RUFY4: variants seen among roughly 807,000 people sequenced by gnomAD.
The protein encoded by RUFY4 is RUN and FYVE domain containing 4.
In RUFY4, 73 loss-of-function variants were observed where a neutral mutation model predicts 69.0. That is an observed-to-expected ratio of 1.06 (90% CI 0.88 to 1.29). The LOEUF (loss-of-function observed/expected upper bound fraction) is 1.29, where lower values mean the gene tolerates loss of function less well. Among genes scored for constraint, RUFY4 ranks in the 50% most tolerant of loss-of-function variants. The pLI is 0.00. For synonymous variants in RUFY4, 287 were observed against 271.8 expected, an observed-to-expected ratio of 1.06 and a Z score of -0.55; for missense variants, 770 against 705.6, an observed-to-expected ratio of 1.09 and a Z score of -1.03.
At chr2:218,086,837 C>T (rs1200061581) in intron 9 of RUFY4, among the ~76,000 whole-genome samples, 1 of 151,922 alleles carries the variant, frequency 6.6e-6, no homozygotes, top group Non-Finnish European at 1.5e-5. Flanking sequence ...AGCAGAAGGA[C>T]CAAGGACCCA....
At chr2:218,037,569 G>A (rs1398575058) in intron 2 of RUFY4, among the ~76,000 whole-genome samples, 1 of 152,178 alleles carries the variant, frequency 6.6e-6, no homozygotes, top group Non-Finnish European at 1.5e-5. Context: ...AGCTTGCTTT[G>A]TTGGAACTTT....
intron 2 of RUFY4, among the ~76,000 whole-genome samples, chr2:218,047,041 TA>T (rs201363231): frequency 0.13 from 15,404 of 123,176 alleles, 2,042 homozygotes; most frequent in African/African-American, 0.36. Context: ...TCATTGTGGT[TA>T]AAAAAAAAAA....
In RUFY4 at chr2:218,060,568, G is replaced by T. The variant is rs141788660; in HGVS notation, c.-1071+1887G>T. 1.2e-4 allele frequency: 153 copies of T among 1,309,900 alleles called. No individual in the cohort carries two copies. The East Asian group carries it at 2.6e-3, about 22-fold the overall frequency. The allele number at this position is 1,309,900 out of a possible 1,614,324, so 81.1% of individuals were successfully genotyped here. A position where few individuals can be genotyped will look rare whatever the true frequency, so the allele number is the denominator to read the frequency against. On this transcript the variant is annotated intron_variant and NMD_transcript_variant, in intron 3 of 13. Coordinates refer to the RUFY4 transcript ENST00000457754. ...GTTGATGTCGTTGCGGCGCTCACAGGTCTCATTGGTCATCTGGGTTCCCAT... is the reference window on the plus strand; with the variant it reads ...GTTGATGTCGTTGCGGCGCTCACAGTTCTCATTGGTCATCTGGGTTCCCAT...
At position 218,044,173 on chromosome 2, in the gene RUFY4, GGC is replaced by G. The variant is rs1688771535; in HGVS notation, c.-1158+8780_-1158+8781del. Among the ~76,000 whole-genome samples the G allele has an allele frequency of 2.6e-5, 4 of 152,162 alleles. No individual in the cohort carries two copies. The South Asian group carries it at 8.3e-4, about 32-fold the overall frequency. On this transcript the variant is annotated intron_variant and NMD_transcript_variant, in intron 2 of 13. Coordinates refer to the RUFY4 transcript ENST00000457754. ...ACAGCTAGGCTTGGGCAGCTGCTGT[GGC>G]ACCCAGGGGTGGGGCTCCTGCCTGC...
intron 2 of RUFY4, among the ~76,000 whole-genome samples, chr2:218,055,213 G>A (rs1434567246): frequency 6.6e-6 from 1 of 152,106 alleles, no homozygotes; most frequent in South Asian, 2.1e-4. Flanking sequence ...TGAGAAACAT[G>A]ATGAAACCCC....
chr2:218,039,249 G>C (rs892841104), intron 2 of RUFY4, among the ~76,000 whole-genome samples: 2 of 152,258 alleles, frequency 1.3e-5, no homozygotes, highest in East Asian at 3.9e-4. Context: ...TGACATTTGT[G>C]GTAGGGCAAG....
intron 2 of RUFY4, among the ~76,000 whole-genome samples, chr2:218,053,007 T>C (rs538762724): frequency 2.6e-4 from 39 of 152,260 alleles, no homozygotes; most frequent in Non-Finnish European, 4.9e-4. Flanking sequence ...TCACCCAGGC[T>C]CAAGTGCAAT....
intron 8 of RUFY4, among the ~76,000 whole-genome samples, chr2:218,078,148 G>A (rs1025738322): frequency 6.6e-6 from 1 of 152,178 alleles, no homozygotes; most frequent in African/African-American, 2.4e-5. Context: ...TAGTGGAGGA[G>A]GCAATAAAAG....
intron 2 of RUFY4, among the ~76,000 whole-genome samples, chr2:218,057,616 G>C (rs1420775904): frequency 6.6e-6 from 1 of 152,144 alleles, no homozygotes; most frequent in Non-Finnish European, 1.5e-5. Context: ...TAAACTAACA[G>C]AGCTGTAAAA....
chr2:218,090,256 G>A, exon 11 of RUFY4: 1 of 364,260 alleles, frequency 2.7e-6, no homozygotes, highest in Admixed American at 3.7e-5. Context: ...AACGAGCCAG[G>A]TGACTTTGGC....
rs1689512969 is a variant in RUFY4, at chr2:218,072,505, C to CA, written c.279+7dup. The CA allele has an allele frequency of 6.5e-7, 1 of 1,536,296 alleles. No individual in the cohort carries two copies. The highest frequency in any genetic ancestry group is 2.0e-5 in the Admixed American group (1 of 50,944). ...TTGTCCGTTCCCAGGACAAGGTATC[C>CA]AGGGCCAGGCAGCAAGAAGGCTGAC... On this transcript the variant is annotated splice_region_variant and intron_variant, in intron 3 of 10. Transcript: ENST00000344321.
At chr2:218,038,084 T>C (rs1310808065) in intron 2 of RUFY4, among the ~76,000 whole-genome samples, 2 of 152,236 alleles carry the variant, frequency 1.3e-5, no homozygotes, top group Non-Finnish European at 2.9e-5. Context: ...AGTTTCATGA[T>C]AGCGTCAGTC....
rs1688914679 is a variant in RUFY4 at position 218,050,298 on chromosome 2, T to G, written c.-1157-8297T>G. On this transcript the variant is annotated intron_variant and NMD_transcript_variant, in intron 2 of 13. Coordinates refer to the RUFY4 transcript ENST00000457754. ...ACTCTCCAGTGTCCACATATCTTAT[T>G]CCTCTTGATCACAGGACAAGAACCC... Among the ~76,000 whole-genome samples, 3 of 152,220 alleles carry G rather than the reference T, an allele frequency of 2.0e-5. No individual in the cohort carries two copies. In the South Asian group the frequency reaches 6.2e-4, roughly 32 times the overall value.
chr2:218,061,205 C>T, intron 3 of RUFY4: 1 of 388,274 alleles, frequency 2.6e-6, no homozygotes, highest in Non-Finnish European at 5.2e-6. Flanking sequence ...ATAAGATGAC[C>T]AGCATCGGCA....
At chr2:218,086,020 T>C (rs537796187) in intron 9 of RUFY4, among the ~76,000 whole-genome samples, 10 of 152,292 alleles carry the variant, frequency 6.6e-5, no homozygotes, top group African/African-American at 2.4e-4. Context: ...CCATCTTCCA[T>C]GAAACAGGAT....
chr2:218,089,428 C>T, intron 10 of RUFY4, 66 bp downstream of exon 12: 1 of 1,390,524 alleles, frequency 7.2e-7, no homozygotes, highest in Non-Finnish European at 1.0e-6. Flanking sequence ...ACAGCCCCCA[C>T]CCACCCCAGG....
chr2:218,064,891 G>T (rs1387297200), upstream of RUFY4, among the ~76,000 whole-genome samples: 1 of 149,612 alleles, frequency 6.7e-6, no homozygotes. Flanking sequence ...CCCCTCCCCT[G>T]CAGGGAGCCC....
chr2:218,060,860 G>T, intron 3 of RUFY4: 1 of 1,482,332 alleles, frequency 6.7e-7, no homozygotes, highest in Non-Finnish European at 9.4e-7. Context: ...TGGATGGGTA[G>T]AAGGTCCTTC....
chr2:218,049,909 A>G (rs1365529028), intron 2 of RUFY4, among the ~76,000 whole-genome samples: 3 of 152,154 alleles, frequency 2.0e-5, no homozygotes, highest in Non-Finnish European at 4.4e-5. Context: ...TAGTGACAGG[A>G]GACAGACAAA....
Sources: gnomAD v4.1 joint callset for allele counts (sites outside exome capture counted in the v4.1 genomes callset) on GRCh38, gnomAD v4.1.1 for gene constraint, MANE v1.5 for transcripts, NCBI Gene and HGNC (gene_info 2026-07-23, HGNC 2026-07-21) for gene names.